PAPPA: variants seen among roughly 807,000 people sequenced by gnomAD.
PAPPA encodes pappalysin 1, also known as pappalysin-1.
PAPPA carries 60 observed loss-of-function variants against 164.0 expected under a neutral mutation model. The observed-to-expected ratio is 0.37, with a 90% CI of 0.30 to 0.45. The LOEUF (loss-of-function observed/expected upper bound fraction) is 0.45, where lower values mean the gene tolerates loss of function less well. Ranked by LOEUF, PAPPA falls within the 20% of genes least tolerant of loss-of-function variation. The pLI, the probability that PAPPA is intolerant of heterozygous loss-of-function variation, is 1.00. For missense variants in PAPPA, 1,782 were observed against 2,087.3 expected (o/e 0.85, Z 2.85); for synonymous variants, 875 against 814.1 (o/e 1.07, Z -1.27).
Position 116,398,455 on chromosome 9 carries a change from G to C in PAPPA, c.*1839G>C, listed in dbSNP as rs547557068. ...CACCTAATTCCTGCATCCAAGGCAG[G>C]TGTTGTTAATCTATCATAGCACTTA... On this transcript the variant is annotated 3_prime_UTR_variant, in exon 22 of 22. Transcript: ENST00000328252. 1.2e-5 allele frequency: 7 copies of C among 573,738 alleles called. No homozygotes were observed. The highest frequency in any genetic ancestry group is 9.6e-5 in the South Asian group (5 of 52,136). 35.5% of individuals were successfully genotyped at this position (573,738 alleles called of 1,614,324 possible).
At chr9:116,272,460 G>A (rs924943205) in intron 9 of PAPPA, among the ~76,000 whole-genome samples, 1 of 152,196 alleles carries the variant, frequency 6.6e-6, no homozygotes, top group African/African-American at 2.4e-5. Context: ...CATTACAGGG[G>A]TGCATTTAGA....
intron 7 of PAPPA, among the ~76,000 whole-genome samples, chr9:116,253,685 T>C (rs1418978938): frequency 6.6e-6 from 1 of 152,128 alleles, no homozygotes; most frequent in Non-Finnish European, 1.5e-5. Flanking sequence ...TAGTCATCAC[T>C]CAGTGGAAAA....
intron 9 of PAPPA, 21 bp from the exon 10 acceptor site, chr9:116,302,736 T>A: frequency 6.3e-7 from 1 of 1,594,792 alleles, no homozygotes; most frequent in South Asian, 1.1e-5. Context: ...TTCTCTCCCT[T>A]TCTATGTCAA....
chr9:116,183,866 C>A (rs985972782), intron 1 of PAPPA, among the ~76,000 whole-genome samples: 1 of 152,134 alleles, frequency 6.6e-6, no homozygotes, highest in Non-Finnish European at 1.5e-5. Flanking sequence ...ACAGAGGTGG[C>A]CTGAGCCTGG....
At chr9:116,317,707 G>A (rs955651497) in intron 10 of PAPPA, among the ~76,000 whole-genome samples, 15 of 152,044 alleles carry the variant, frequency 9.9e-5, no homozygotes, top group Non-Finnish European at 1.8e-4. Flanking sequence ...ACAATGCCTC[G>A]GGCCCTGAAA....
chr9:116,188,221 G>C lies in PAPPA; in HGVS notation c.1478+5G>C. The C allele has an allele frequency of 6.3e-7, 1 of 1,594,634 alleles. No individual in the cohort carries two copies. Reference sequence around the variant, plus strand: ...TGACCCCGACTCTCCACACAGGTAAGACCTTACTGGGCTAAAGATGCCCAG... The same window carrying C: ...TGACCCCGACTCTCCACACAGGTAACACCTTACTGGGCTAAAGATGCCCAG... On this transcript the variant is annotated splice_donor_5th_base_variant and intron_variant, in intron 2 of 21. Coordinates refer to ENST00000328252, the MANE Select transcript of PAPPA (RefSeq NM_002581.5).
intron 3 of PAPPA, 60 bp from the exon 4 acceptor site, chr9:116,211,579 G>C: frequency 6.8e-7 from 1 of 1,471,810 alleles, no homozygotes; most frequent in Non-Finnish European, 9.4e-7. Flanking sequence ...GGACTTGGGG[G>C]TTCTTGCACC....
chr9:116,348,739 T>A (rs1247211573), intron 15 of PAPPA, among the ~76,000 whole-genome samples: 1 of 152,170 alleles, frequency 6.6e-6, no homozygotes, highest in East Asian at 1.9e-4. Context: ...CATTTATAAG[T>A]GAGAAGATGC....
intron 7 of PAPPA, among the ~76,000 whole-genome samples, chr9:116,236,886 G>C (rs986970451): frequency 2.0e-5 from 3 of 152,164 alleles, no homozygotes; most frequent in African/African-American, 7.2e-5. Context: ...TTGGAATTTC[G>C]TTCTGACTCC....
intron 15 of PAPPA, among the ~76,000 whole-genome samples, chr9:116,349,636 A>G (rs1015602073): frequency 2.0e-5 from 3 of 152,210 alleles, no homozygotes; most frequent in African/African-American, 4.8e-5. Context: ...CTCTCCTTTG[A>G]CACTGCTACA....
chr9:116,337,035 G>C (rs1324616120), intron 13 of PAPPA, among the ~76,000 whole-genome samples: 2 of 152,210 alleles, frequency 1.3e-5, no homozygotes, highest in East Asian at 3.8e-4. Flanking sequence ...CAGAGAAACA[G>C]AGTGAGTGAG....
chr9:116,175,455 A>G (rs142269351), intron 1 of PAPPA, among the ~76,000 whole-genome samples: 4 of 152,336 alleles, frequency 2.6e-5, no homozygotes, highest in South Asian at 2.1e-4. Context: ...CCATTCCATA[A>G]TGTATACGTA....
rs1032455421 is a variant in PAPPA at position 116,347,122 on chromosome 9, G to A, written c.3877G>A (p.Val1293Ile). The A allele has an allele frequency of 3.1e-6, 5 of 1,614,028 alleles. No individual in the cohort carries two copies. In the African/African-American group the frequency reaches 6.7e-5, roughly 22 times the overall value. Residue 1293 changes from valine to isoleucine, a missense_variant, in exon 15 of 22, where the codon GTC becomes ATC. Coordinates refer to ENST00000328252, the MANE Select transcript of PAPPA (RefSeq NM_002581.5). This position sits in a 1 kb window ranked among gnomAD's most constrained non-coding sequence, Gnocchi z 4.5. The stretch of plus-strand genomic sequence containing the variant: ...CTGCAGCATCCCAGATCACCATCAA[G>A]TCTATGCTGCCTCCTTCTCCTGCCC... ...VDCSIPDHHQVYAASFSCPEG... is the reference protein window; with the variant it reads ...VDCSIPDHHQIYAASFSCPEG...
intron 17 of PAPPA, among the ~76,000 whole-genome samples, chr9:116,357,340 T>G (rs1429497117): frequency 6.6e-6 from 1 of 152,254 alleles, no homozygotes; most frequent in Non-Finnish European, 1.5e-5. Flanking sequence ...ACTTACGGTA[T>G]TCTCGTCTCT....
intron 2 of PAPPA, among the ~76,000 whole-genome samples, chr9:116,206,058 G>A (rs150052417): frequency 3.0e-4 from 46 of 152,264 alleles, no homozygotes; most frequent in East Asian, 5.8e-4. Context: ...CTTCCCTGAC[G>A]ACAGAGCAGA....
At chr9:116,155,811 C>G (rs1239284569) in intron 1 of PAPPA, among the ~76,000 whole-genome samples, 1 of 152,170 alleles carries the variant, frequency 6.6e-6, no homozygotes, top group East Asian at 1.9e-4. Flanking sequence ...GAATACGTCT[C>G]CCGAAGCCCC....
chr9:116,162,270 A>T (rs1236486407), intron 1 of PAPPA, among the ~76,000 whole-genome samples: 1 of 152,220 alleles, frequency 6.6e-6, no homozygotes, highest in East Asian at 1.9e-4. Flanking sequence ...TGTTTATGAG[A>T]ATTTCATGGG....
At chr9:116,229,428 G>A (rs449410) in intron 6 of PAPPA, among the ~76,000 whole-genome samples, 70,674 of 152,116 alleles carry the variant, frequency 0.46, 17,089 homozygotes, top group East Asian at 0.73. Context: ...AGCTAATGGA[G>A]CACACTCTTC....
intron 10 of PAPPA, among the ~76,000 whole-genome samples, chr9:116,329,487 A>C (rs1230870437): frequency 1.3e-5 from 2 of 152,152 alleles, no homozygotes; most frequent in Non-Finnish European, 2.9e-5. Flanking sequence ...GAAAAATAAC[A>C]CACCACAAAT....
Sources: gnomAD v4.1 joint callset for allele counts (sites outside exome capture counted in the v4.1 genomes callset) on GRCh38, gnomAD v4.1.1 for gene constraint, Gnocchi (gnomAD v3.1) non-coding constraint, MANE v1.5 for transcripts, NCBI Gene and HGNC (gene_info 2026-07-23, HGNC 2026-07-21) for gene names.